The following FBXL13 variants were observed in gnomAD, a reference collection of about 807,000 sequenced individuals.
The protein encoded by FBXL13 is F-box and leucine rich repeat protein 13.
FBXL13 carries 67 observed loss-of-function variants against 83.6 expected under a neutral mutation model. The observed-to-expected ratio is 0.80, with a 90% CI of 0.66 to 0.98. The LOEUF (loss-of-function observed/expected upper bound fraction) is 0.98, where lower values mean the gene tolerates loss of function less well. Ranked by LOEUF, FBXL13 falls within the 50% of genes least tolerant of loss-of-function variation. The probability of loss-of-function intolerance (pLI) is 0.00; values close to 1 mark genes in which losing one functional copy is unlikely to be tolerated. For missense variants in FBXL13, 822 were observed against 866.5 expected, an observed-to-expected ratio of 0.95 and a Z score of 0.64; for synonymous variants, 272 against 299.5, an observed-to-expected ratio of 0.91 and a Z score of 0.95.
intron 6 of FBXL13, among the ~76,000 whole-genome samples, chr7:103,011,488 A>C (rs1268485524): frequency 1.3e-5 from 2 of 152,032 alleles, no homozygotes; most frequent in African/African-American, 4.8e-5. Flanking sequence ...ATACAAAAAA[A>C]ATTAGCCAGG....
chr7:102,892,473 T>C (rs1811658658), intron 11 of FBXL13, among the ~76,000 whole-genome samples: 1 of 152,062 alleles, frequency 6.6e-6, no homozygotes, highest in South Asian at 2.1e-4. Context: ...AATTCTACAA[T>C]TTTTTTTCAA....
rs1188304226 is a variant in FBXL13, at chr7:103,003,252, TTTGTTGTTG to T, written c.495+21802_495+21810del. 3.3e-5 allele frequency among the ~76,000 whole-genome samples: 5 copies of T among 151,242 alleles called. No homozygotes were observed. The South Asian group carries it at 6.3e-4, about 19-fold the overall frequency. On this transcript the variant is annotated intron_variant, in intron 6 of 19. Coordinates refer to ENST00000313221, the Ensembl canonical transcript of FBXL13. ...GTTCCAGGATTTCTGTTTAAGTGTGTTTGTTGTTGTTGTTGTTGTTTTGGGGTTTTTTTT... is the reference window on the plus strand; with the variant it reads ...GTTCCAGGATTTCTGTTTAAGTGTGTTTGTTGTTGTTTTGGGGTTTTTTTT...
chr7:103,005,121 T>C (rs1790844060), intron 6 of FBXL13, among the ~76,000 whole-genome samples: 1 of 152,216 alleles, frequency 6.6e-6, no homozygotes. Flanking sequence ...TCAACTACAC[T>C]TCATTTACTC....
intron 11 of FBXL13, among the ~76,000 whole-genome samples, chr7:102,903,399 C>G (rs1358719691): frequency 6.6e-6 from 1 of 151,982 alleles, no homozygotes; most frequent in Non-Finnish European, 1.5e-5. Flanking sequence ...TTTGGATGCT[C>G]TTTATATCTT....
At chr7:103,017,545 G>A (rs926464016) in intron 6 of FBXL13, among the ~76,000 whole-genome samples, 11 of 152,152 alleles carry the variant, frequency 7.2e-5, no homozygotes, top group South Asian at 2.1e-4. Context: ...GAGGAAGTTC[G>A]AACCCATCGT....
At chr7:102,966,153 A>T (rs993626408) in intron 7 of FBXL13, among the ~76,000 whole-genome samples, 1 of 152,176 alleles carries the variant, frequency 6.6e-6, no homozygotes, top group African/African-American at 2.4e-5. Flanking sequence ...TACCAAACCT[A>T]TCTTAGCTAA....
chr7:103,071,598 A>G (rs746711965), intron 1 of FBXL13, among the ~76,000 whole-genome samples: 24 of 139,572 alleles, frequency 1.7e-4, no homozygotes, highest in Non-Finnish European at 3.2e-4. Context: ...GGGTCTCACT[A>G]TGTTACCGAG....
chr7:103,061,498 C>A (rs1797900665), intron 1 of FBXL13, among the ~76,000 whole-genome samples: 1 of 152,202 alleles, frequency 6.6e-6, no homozygotes, highest in Non-Finnish European at 1.5e-5. Context: ...TCTGGAGAAG[C>A]CACAGCCTTC....
intron 8 of FBXL13, chr7:102,934,733 T>C: frequency 6.9e-7 from 1 of 1,454,166 alleles, no homozygotes; most frequent in Admixed American, 2.2e-5. Flanking sequence ...CTTGAAATGC[T>C]CTTTGAATCT....
exon 20 of FBXL13, chr7:102,813,504 T>A (rs1201003974): frequency 1.2e-6 from 2 of 1,613,958 alleles, no homozygotes; most frequent in African/African-American, 2.7e-5. Context: ...GCTGCTGAAC[T>A]TTAGATGACA....
intron 11 of FBXL13, among the ~76,000 whole-genome samples, chr7:102,898,317 G>A (rs1324176265): frequency 1.3e-5 from 2 of 152,126 alleles, no homozygotes; most frequent in African/African-American, 4.8e-5. Context: ...GTACATGAAT[G>A]TTCATAGAAC....
chr7:102,827,360 C>T (rs952317958), intron 18 of FBXL13, among the ~76,000 whole-genome samples: 1 of 152,196 alleles, frequency 6.6e-6, no homozygotes, highest in African/African-American at 2.4e-5. Flanking sequence ...AAGAACCACA[C>T]AGCCAAAACC....
chr7:102,956,020 C>A (rs1824211296), intron 8 of FBXL13, among the ~76,000 whole-genome samples: 1 of 152,138 alleles, frequency 6.6e-6, no homozygotes, highest in Admixed American at 6.5e-5. Context: ...GGAATCCTCC[C>A]TAACTCATTT....
intron 17 of FBXL13, among the ~76,000 whole-genome samples, chr7:102,850,047 G>C (rs1474931161): frequency 2.0e-5 from 3 of 151,916 alleles, no homozygotes; most frequent in African/African-American, 7.3e-5. Flanking sequence ...TCATGAATTT[G>C]AGTAGAACAA....
intron 8 of FBXL13, among the ~76,000 whole-genome samples, chr7:102,938,078 G>C (rs530338895): frequency 6.6e-6 from 1 of 152,172 alleles, no homozygotes; most frequent in African/African-American, 2.4e-5. Context: ...CAGGTACTTT[G>C]CCAAGAAATC....
At chr7:102,821,233 T>A (rs924919340) in intron 19 of FBXL13, among the ~76,000 whole-genome samples, 11 of 152,056 alleles carry the variant, frequency 7.2e-5, no homozygotes, top group Non-Finnish European at 1.3e-4. Context: ...AAGGGTTGAG[T>A]CTCCAACCCT....
intron 6 of FBXL13, among the ~76,000 whole-genome samples, chr7:103,020,253 G>C (rs1163893138): frequency 1.3e-5 from 2 of 152,074 alleles, no homozygotes; most frequent in Admixed American, 6.6e-5. Context: ...ATACAGAAAA[G>C]GCCTTTGACA....
At chr7:103,021,761 T>G (rs143196091) in intron 6 of FBXL13, among the ~76,000 whole-genome samples, 4,509 of 152,084 alleles carry the variant, frequency 0.03, 126 homozygotes, top group East Asian at 0.15. Flanking sequence ...ATCAGAGAAA[T>G]GCAAATCAAA....
At chr7:102,867,684 TA>T (rs1807883435) in intron 16 of FBXL13, among the ~76,000 whole-genome samples, 1 of 83,422 alleles carries the variant, frequency 1.2e-5, no homozygotes, top group East Asian at 4.2e-4. Flanking sequence ...TATATATATA[TA>T]TATATATATA....
Sources: allele counts gnomAD v4.1 joint callset (sites outside exome capture counted in the v4.1 genomes callset), GRCh38; gene constraint gnomAD v4.1.1; transcripts MANE v1.5; gene names NCBI Gene and HGNC (gene_info 2026-07-23, HGNC 2026-07-21).